Variants in MNAT1 observed in about 807,000 individuals in gnomAD.
MNAT1 encodes CDK-activating kinase assembly factor MAT1.
In MNAT1, 43 loss-of-function variants were observed where a neutral mutation model predicts 42.0. The ratio of observed to expected loss-of-function variants is 1.02; its 90% CI spans 0.80 to 1.32. MNAT1 has a LOEUF of 1.32. Among genes scored for constraint, MNAT1 ranks in the 40% most tolerant of loss-of-function variants. The probability of loss-of-function intolerance (pLI) is 0.00; values close to 1 mark genes in which losing one functional copy is unlikely to be tolerated. For synonymous variants in MNAT1, 118 were observed against 120.0 expected (o/e 0.98, Z 0.11); for missense variants, 306 against 350.4 (o/e 0.87, Z 1.01).
intron 7 of MNAT1, among the ~76,000 whole-genome samples, chr14:60,965,995 T>C (rs886770051): frequency 4.1e-4 from 62 of 152,202 alleles, no homozygotes; most frequent in African/African-American, 1.4e-3. Flanking sequence ...TGCATCAGAA[T>C]CTTAACAGTT....
At chr14:60,770,617 C>T (rs538425590) in intron 1 of MNAT1, among the ~76,000 whole-genome samples, 1 of 152,096 alleles carries the variant, frequency 6.6e-6, no homozygotes, top group African/African-American at 2.4e-5. Flanking sequence ...TTCAAATATT[C>T]TGTTCTGCTC....
At chr14:60,907,359 G>A (rs548970056) in intron 7 of MNAT1, among the ~76,000 whole-genome samples, 1 of 151,000 alleles carries the variant, frequency 6.6e-6, no homozygotes, top group African/African-American at 2.4e-5. Flanking sequence ...CTTGAACCTG[G>A]GAAGCAGAGG....
At chr14:60,847,542 TG>T (rs1273125699) in intron 6 of MNAT1, among the ~76,000 whole-genome samples, 1 of 152,212 alleles carries the variant, frequency 6.6e-6, no homozygotes, top group East Asian at 1.9e-4. Context: ...GTGTGCTGGA[TG>T]TTTTTCATTT....
At chr14:60,765,932 T>C (rs745671668) in intron 1 of MNAT1, among the ~76,000 whole-genome samples, 3 of 151,924 alleles carry the variant, frequency 2.0e-5, no homozygotes, top group Non-Finnish European at 2.9e-5. Context: ...TCTTGACTTA[T>C]AAAATTAAAT....
chr14:60,805,168 A>G (rs546770313), intron 3 of MNAT1, among the ~76,000 whole-genome samples: 1 of 152,130 alleles, frequency 6.6e-6, no homozygotes, highest in Non-Finnish European at 1.5e-5. Flanking sequence ...TTCTCTCATG[A>G]TAATTCAACA....
chr14:60,891,642 C>T (rs193147956), intron 7 of MNAT1, among the ~76,000 whole-genome samples: 4 of 151,892 alleles, frequency 2.6e-5, no homozygotes, highest in African/African-American at 4.8e-5. Context: ...TAGTAGAGAC[C>T]GGGTTTTACC....
At chr14:60,953,290 C>T (rs779244957) in intron 7 of MNAT1, among the ~76,000 whole-genome samples, 3 of 151,996 alleles carry the variant, frequency 2.0e-5, no homozygotes, top group Middle Eastern at 3.2e-3. Context: ...GGTATTGGCA[C>T]CCTTGGGTTA....
intron 1 of MNAT1, among the ~76,000 whole-genome samples, chr14:60,761,071 G>A (rs1335260035): frequency 2.0e-5 from 3 of 152,182 alleles, no homozygotes; most frequent in Non-Finnish European, 4.4e-5. Flanking sequence ...TTTGGAAAAT[G>A]TATTAATATG....
chr14:60,740,846 G>A lies in MNAT1; in HGVS notation c.89+5895G>A, dbSNP rs1157669444. Among the ~76,000 whole-genome samples the A allele has an allele frequency of 6.6e-6, 1 of 152,150 alleles. No homozygotes were observed. The highest frequency in any genetic ancestry group is 6.5e-5 in the Admixed American group (1 of 15,272). ...AATATACATTCTGTGGTTGTTGGGTGTAGTGTAGTATAAGTTATAAACGTG... is the reference window on the plus strand; with the variant it reads ...AATATACATTCTGTGGTTGTTGGGTATAGTGTAGTATAAGTTATAAACGTG... On this transcript the variant is annotated intron_variant, in intron 1 of 7. Coordinates refer to ENST00000261245, the MANE Select transcript of MNAT1 (RefSeq NM_002431.4). The surrounding 1 kb of genome is among the most constrained non-coding windows in gnomAD (Gnocchi z 4.1).
intron 7 of MNAT1, among the ~76,000 whole-genome samples, chr14:60,903,116 T>C (rs1386303225): frequency 9.9e-6 from 1 of 101,334 alleles, no homozygotes; most frequent in African/African-American, 3.3e-5. Context: ...TCATTAAGTA[T>C]TATATTCGCT....
At chr14:60,870,565 A>G (rs985339031) in intron 6 of MNAT1, among the ~76,000 whole-genome samples, 6 of 152,000 alleles carry the variant, frequency 3.9e-5, no homozygotes, top group African/African-American at 1.2e-4. Context: ...CCCCACACCC[A>G]TTTCTTATTC....
chr14:60,968,124 G>A (rs1456392277), intron 7 of MNAT1, 105 bp from the exon 8 acceptor site: 18 of 801,770 alleles, frequency 2.2e-5, no homozygotes, highest in Middle Eastern at 2.5e-4. Flanking sequence ...TTTCAATCTC[G>A]GAATTCCTCT....
intron 7 of MNAT1, among the ~76,000 whole-genome samples, chr14:60,886,874 T>C (rs1009326648): frequency 2.6e-5 from 4 of 152,172 alleles, no homozygotes; most frequent in Admixed American, 1.3e-4. Flanking sequence ...TCTTGTCTAA[T>C]TGCTCTTTAT....
intron 5 of MNAT1, among the ~76,000 whole-genome samples, chr14:60,813,815 A>T (rs146255120): frequency 9.2e-5 from 14 of 152,282 alleles, no homozygotes; most frequent in African/African-American, 3.1e-4. Context: ...TATTTATATC[A>T]TGCCAACTAC....
chr14:60,756,111 A>G (rs1415331917), intron 1 of MNAT1, among the ~76,000 whole-genome samples: 1 of 152,102 alleles, frequency 6.6e-6, no homozygotes, highest in African/African-American at 2.4e-5. Flanking sequence ...TGATGCTTAG[A>G]TTATTTGATA....
chr14:60,796,153 T>A, intron 1 of MNAT1, 64 bp from the exon 2 acceptor site: 1 of 1,446,952 alleles, frequency 6.9e-7, no homozygotes, highest in South Asian at 1.5e-5. Context: ...AGGGGCAAAC[T>A]ATTCAGATGT....
At chr14:60,942,003 C>CAAAAAAAAAAAAA (rs3080602) in intron 7 of MNAT1, among the ~76,000 whole-genome samples, 2 of 29,940 alleles carry the variant, frequency 6.7e-5, no homozygotes, top group Non-Finnish European at 1.0e-4. Context: ...GGCTCCATCT[C>CAAAAAAAAAAAAA]AAAAAAAAAA....
chr14:60,760,706 A>G (rs964914165), intron 1 of MNAT1, among the ~76,000 whole-genome samples: 2 of 152,236 alleles, frequency 1.3e-5, no homozygotes, highest in African/African-American at 4.8e-5. Flanking sequence ...AAAGAGTCAT[A>G]TTACAATTAC....
intron 1 of MNAT1, among the ~76,000 whole-genome samples, chr14:60,794,600 A>G (rs2031941922): frequency 7.1e-6 from 1 of 141,418 alleles, no homozygotes; most frequent in South Asian, 2.3e-4. Flanking sequence ...TGGGAGGGCA[A>G]GGCTGCAGAG....
Sources: gnomAD v4.1 joint callset for allele counts (sites outside exome capture counted in the v4.1 genomes callset) on GRCh38, gnomAD v4.1.1 for gene constraint, Gnocchi (gnomAD v3.1) non-coding constraint, MANE v1.5 for transcripts, NCBI Gene and HGNC (gene_info 2026-07-23, HGNC 2026-07-21) for gene names.